Variants in SLC25A44 observed in about 807,000 individuals in gnomAD.
SLC25A44 encodes the protein solute carrier family 25 member 44, also known as solute carrier family 25, member 44.
A neutral mutation model predicts 29.9 loss-of-function variants in SLC25A44; 17 were observed. That is an observed-to-expected ratio of 0.57 (90% CI 0.39 to 0.85). The LOEUF is 0.85. Ranked by LOEUF, SLC25A44 falls within the 40% of genes least tolerant of loss-of-function variation. The pLI, the probability that SLC25A44 is intolerant of heterozygous loss-of-function variation, is 0.00. For missense variants in SLC25A44, 302 were observed against 398.4 expected (o/e 0.76, Z 2.06); for synonymous variants, 140 against 151.8 (o/e 0.92, Z 0.57).
rs1232699353 is a variant in SLC25A44, at chr1:156,200,334, T to G, written c.487T>G (p.Phe163Val). ...GNPEGQGVVAFGQTKDIIRQI... is the reference protein window; with the variant it reads ...GNPEGQGVVAVGQTKDIIRQI... ...CCCAGAGGGACAAGGGGTAGTTGCCTTTGGCCAAACCAAGGACATCATCAG... is the reference window on the plus strand; with the variant it reads ...CCCAGAGGGACAAGGGGTAGTTGCCGTTGGCCAAACCAAGGACATCATCAG... Residue 163 changes from phenylalanine (F) to valine (V), a missense_variant, in exon 2 of 4, where the codon TTT (phenylalanine) becomes GTT (valine). Phe to Val is a conservative substitution (Grantham distance 50, BLOSUM62 -1). Transcript: ENST00000359511. 1.2e-6 allele frequency: 2 copies of G among 1,614,138 alleles called. No individual in the cohort carries two copies. The highest frequency in any genetic ancestry group is 1.7e-6 in the Non-Finnish European group (2 of 1,180,038).
In SLC25A44 at chr1:156,210,530, C is replaced by G. The variant is rs1036470491; in HGVS notation, c.*99C>G. 5 of 839,684 alleles carry G rather than the reference C, an allele frequency of 6.0e-6. No homozygotes were observed. In the East Asian group the frequency reaches 1.2e-4, roughly 21 times the overall value. The allele number at this position is 839,684 out of a possible 1,614,324, so 52.0% of individuals were successfully genotyped here. A position where few individuals can be genotyped will look rare whatever the true frequency, so the allele number is the denominator to read the frequency against. On this transcript the variant is annotated 3_prime_UTR_variant, in exon 4 of 4. Transcript: ENST00000359511. ...CTCTCCAGGTGCTCCCACCACACAC[C>G]CAGCCCTGCCCTGGGCCAAGTGGCC...
At chr1:156,199,238 G>C (rs971390248) in intron 1 of SLC25A44, 1 of 152,766 alleles carries the variant, frequency 6.5e-6, no homozygotes, top group African/African-American at 2.4e-5. Flanking sequence ...CAGTTCGTAG[G>C]TGGCGATCAG....
intron 1 of SLC25A44, among the ~76,000 whole-genome samples, chr1:156,195,194 T>G (rs998541375): frequency 1.3e-5 from 2 of 151,822 alleles, no homozygotes; most frequent in African/African-American, 4.8e-5. Context: ...AGCTCCGCCT[T>G]CCGGGTTCAC....
chr1:156,206,453 G>A (rs1656938087), intron 2 of SLC25A44, among the ~76,000 whole-genome samples: 1 of 152,140 alleles, frequency 6.6e-6, no homozygotes, highest in African/African-American at 2.4e-5. Flanking sequence ...GGTCAGGCTA[G>A]TCTCAAATTC....
In SLC25A44 at chr1:156,212,184, C is replaced by T. The variant is rs917944744; in HGVS notation, c.*1753C>T. The T allele has an allele frequency of 6.6e-6, 1 of 152,412 alleles. No individual in the cohort carries two copies. The highest frequency in any genetic ancestry group is 2.4e-5 in the African/African-American group (1 of 41,410). 9.4% of individuals were successfully genotyped at this position (152,412 alleles called of 1,614,324 possible). On this transcript the variant is annotated 3_prime_UTR_variant, in exon 4 of 4. Coordinates refer to ENST00000359511, the MANE Select transcript of SLC25A44 (RefSeq NM_014655.4). ...CCTCCTCACTGCTTAACCCTGAGAA[C>T]CACAAATATAATGGAAGCAGTTCCC...
In SLC25A44 at chr1:156,210,267, A is replaced by G. The variant is rs1410596067; in HGVS notation, c.781A>G (p.Thr261Ala). ...TGAGGGCAAGAACTCCATCATCCTG[A>G]CCTTCAGACAGCTGATGGCAGAAGA... ...QVEGKNSIILTFRQLMAEEGP... is the reference protein window; with the variant it reads ...QVEGKNSIILAFRQLMAEEGP... Residue 261 changes from threonine (T) to alanine (A), a missense_variant, in exon 4 of 4, where the codon ACC becomes GCC. Thr to Ala is a moderately conservative substitution (Grantham distance 58). Transcript: ENST00000359511. 1 of 1,574,442 alleles carries G rather than the reference A, an allele frequency of 6.4e-7. No homozygotes were observed. The highest frequency in any genetic ancestry group is 1.9e-5 in the Admixed American group (1 of 53,316).
intron 2 of SLC25A44, among the ~76,000 whole-genome samples, chr1:156,205,513 T>C (rs1269126868): frequency 5.9e-5 from 9 of 152,162 alleles, no homozygotes; most frequent in Non-Finnish European, 1.3e-4. Context: ...GGCCCTTGCA[T>C]AGGATGTTAT....
At chr1:156,203,658 T>G in intron 2 of SLC25A44, among the ~76,000 whole-genome samples, 1 of 147,912 alleles carries the variant, frequency 6.8e-6, no homozygotes, top group African/African-American at 2.5e-5. Context: ...AGATGTGGAG[T>G]CCCTCCCTCC....
chr1:156,209,421 G>T (rs1657154467), intron 3 of SLC25A44, among the ~76,000 whole-genome samples: 1 of 152,208 alleles, frequency 6.6e-6, no homozygotes, highest in Admixed American at 6.5e-5. Context: ...GAAGGAGGTA[G>T]GGCGGAAGCG....
At chr1:156,201,066 C>G (rs966555230) in intron 2 of SLC25A44, among the ~76,000 whole-genome samples, 1 of 151,890 alleles carries the variant, frequency 6.6e-6, no homozygotes, top group Non-Finnish European at 1.5e-5. Flanking sequence ...GAGCTCCTGA[C>G]CTCGTGATCT....
intron 2 of SLC25A44, among the ~76,000 whole-genome samples, chr1:156,205,132 C>T (rs1178943938): frequency 1.3e-5 from 2 of 152,140 alleles, no homozygotes; most frequent in Non-Finnish European, 2.9e-5. Flanking sequence ...CAACCTCCAC[C>T]TCCCGGGTTC....
At chr1:156,195,295 G>T (rs1348753987) in intron 1 of SLC25A44, among the ~76,000 whole-genome samples, 1 of 152,044 alleles carries the variant, frequency 6.6e-6, no homozygotes, top group Non-Finnish European at 1.5e-5. Flanking sequence ...AGTAGAGACG[G>T]GGTTTCACCG....
In SLC25A44 at chr1:156,210,460, T is replaced by G; in HGVS notation, c.*29T>G. Reference sequence around the variant, plus strand: ...GTGGTGGGGAGAGAAGCCTGCTGTTTTCCACACTACCGTGGGTCAGGGGCA... The same window carrying G: ...GTGGTGGGGAGAGAAGCCTGCTGTTGTCCACACTACCGTGGGTCAGGGGCA... On this transcript the variant is annotated 3_prime_UTR_variant, in exon 4 of 4. Transcript: ENST00000359511. 6.6e-7 allele frequency: 1 copy of G among 1,514,080 alleles called. No individual in the cohort carries two copies. The allele number at this position is 1,514,080 out of a possible 1,614,324, so 93.8% of individuals were successfully genotyped here. A position where few individuals can be genotyped will look rare whatever the true frequency, so the allele number is the denominator to read the frequency against.
chr1:156,198,601 A>G lies in SLC25A44; in HGVS notation c.-13-1234A>G, dbSNP rs1558176588. The G allele has an allele frequency of 6.6e-6, 1 of 152,084 alleles. No individual in the cohort carries two copies. The highest frequency in any genetic ancestry group is 2.4e-5 in the African/African-American group (1 of 41,368). 9.4% of individuals were successfully genotyped at this position (152,084 alleles called of 1,614,324 possible). A position where few individuals can be genotyped will look rare whatever the true frequency, so the allele number is the denominator to read the frequency against. The stretch of plus-strand genomic sequence containing the variant: ...GTAGCTGGGACCACAGGTGCATGCC[A>G]CCATGCCTGGCTAACTTATTTTTAT... On this transcript the variant is annotated intron_variant, in intron 1 of 3. Coordinates refer to ENST00000359511, the MANE Select transcript of SLC25A44 (RefSeq NM_014655.4). The surrounding 1 kb of genome is among the most constrained non-coding windows in gnomAD (Gnocchi z 4.1).
rs753708593 is a variant in SLC25A44 at position 156,209,522 on chromosome 1, G to T, written c.754-718G>T. ...CAAGGAGTGAGTCTGTCCTGTATTG[G>T]CCGAGGGGCTGAGGAGTGGTTTCTA... On this transcript the variant is annotated intron_variant, in intron 3 of 3. Transcript: ENST00000359511. Among the ~76,000 whole-genome samples the T allele has an allele frequency of 1.2e-4, 18 of 152,150 alleles. 1 individual carries two copies. Among genetic ancestry groups the T allele is most frequent in the Non-Finnish European group, 1.2e-4 (8 of 68,024 alleles).
rs778904474 is a variant in SLC25A44 at position 156,210,245 on chromosome 1, G to A, written c.759G>A (p.Glu253=). ...MDVIRTRVQV[E]GKNSIILTFR... Reference sequence around the variant, plus strand: ...CACTGTGTTGACTTTTCCAGGTTGAGGGCAAGAACTCCATCATCCTGACCT... The same window carrying A: ...CACTGTGTTGACTTTTCCAGGTTGAAGGCAAGAACTCCATCATCCTGACCT... The change falls in exon 4 of 4, where the codon GAG becomes GAA. Residue 253 remains glutamate, a synonymous_variant. Coordinates refer to ENST00000359511, the MANE Select transcript of SLC25A44 (RefSeq NM_014655.4). The A allele has an allele frequency of 1.3e-6, 2 of 1,543,732 alleles. No individual in the cohort carries two copies. The highest frequency in any genetic ancestry group is 1.2e-5 in the South Asian group (1 of 80,916).
At chr1:156,195,526 G>C (rs2984615) in intron 1 of SLC25A44, among the ~76,000 whole-genome samples, 62,819 of 152,068 alleles carry the variant, frequency 0.41, 14,525 homozygotes, top group African/African-American at 0.63. Flanking sequence ...ATTTCCGGTT[G>C]CGGCAGTACC....
rs182984208 is a variant in SLC25A44 at position 156,208,046 on chromosome 1, G to A, written c.753+33G>A. The A allele has an allele frequency of 4.7e-4, 756 of 1,607,316 alleles. 1 individual carries two copies. The highest frequency in any genetic ancestry group is 6.0e-4 in the Non-Finnish European group (708 of 1,174,412). ...TGACCACTTCCCTCACCCTCCTCCT[G>A]GAGAAGCCATTAGAAGCATGACCTT... On this transcript the variant is annotated intron_variant, in intron 3 of 3. Transcript: ENST00000359511.
rs1306960631 is a variant in SLC25A44, at chr1:156,212,505, C to T, written c.*2074C>T. On this transcript the variant is annotated 3_prime_UTR_variant, in exon 4 of 4. Transcript: ENST00000359511. ...TAATTAAAAGGACCCTTGGCCCATA[C>T]TTTCCTAATTCTTTAGGGACTGGGA... 1 of 155,762 alleles carries T rather than the reference C, an allele frequency of 6.4e-6. No homozygotes were observed. Among genetic ancestry groups the T allele is most frequent in the African/African-American group, 2.4e-5 (1 of 41,454 alleles). 9.6% of individuals were successfully genotyped at this position (155,762 alleles called of 1,614,324 possible). A position where few individuals can be genotyped will look rare whatever the true frequency, so the allele number is the denominator to read the frequency against.
Sources: allele counts gnomAD v4.1 joint callset (sites outside exome capture counted in the v4.1 genomes callset), GRCh38; gene constraint gnomAD v4.1.1; non-coding constraint Gnocchi (gnomAD v3.1); transcripts MANE v1.5; gene names NCBI Gene and HGNC (gene_info 2026-07-23, HGNC 2026-07-21).